Variants in GPC6 observed in about 807,000 individuals in gnomAD.
GPC6 encodes the protein glypican 6, also known as glypican-6.
In GPC6, 14 loss-of-function variants were observed where a neutral mutation model predicts 55.2. The ratio of observed to expected loss-of-function variants is 0.25; its 90% CI spans 0.17 to 0.40. The LOEUF is 0.40. Ranked by LOEUF, GPC6 falls within the 10% of genes least tolerant of loss-of-function variation. The pLI is 1.00. For synonymous variants in GPC6, 278 were observed against 259.6 expected, an observed-to-expected ratio of 1.07 and a Z score of -0.68; for missense variants, 641 against 708.5, an observed-to-expected ratio of 0.90 and a Z score of 1.08.
chr13:93,776,405 G>A (rs1885469312), intron 2 of GPC6, among the ~76,000 whole-genome samples: 2 of 152,062 alleles, frequency 1.3e-5, no homozygotes, highest in Non-Finnish European at 2.9e-5. Flanking sequence ...CCAAACAGAT[G>A]GGGACAAATT....
At chr13:93,658,939 A>T (rs1344006721) in intron 2 of GPC6, among the ~76,000 whole-genome samples, 6 of 151,856 alleles carry the variant, frequency 4.0e-5, no homozygotes, top group African/African-American at 9.7e-5. Context: ...GATATATGTG[A>T]TGTCACCATT....
intron 4 of GPC6, among the ~76,000 whole-genome samples, chr13:94,174,269 G>T (rs1212217230): frequency 2.0e-5 from 3 of 152,104 alleles, no homozygotes; most frequent in African/African-American, 7.2e-5. Flanking sequence ...AACCTAGTTA[G>T]GTTTAATTAG....
intron 2 of GPC6, among the ~76,000 whole-genome samples, chr13:93,694,722 G>A (rs1882387299): frequency 1.3e-5 from 2 of 152,266 alleles, no homozygotes; most frequent in East Asian, 3.9e-4. Context: ...GGCAGTATCA[G>A]CACCTTTAGG....
intron 4 of GPC6, among the ~76,000 whole-genome samples, chr13:94,183,521 A>G (rs1889067577): frequency 1.3e-5 from 2 of 152,216 alleles, no homozygotes; most frequent in Admixed American, 1.3e-4. Context: ...GGTACTGTGA[A>G]CATTGGTATA....
intron 1 of GPC6, among the ~76,000 whole-genome samples, chr13:93,490,457 TTTC>T (rs1879925067): frequency 8.8e-6 from 1 of 113,882 alleles, no homozygotes; most frequent in Non-Finnish European, 1.9e-5. Flanking sequence ...ACTATTATTA[TTTC>T]TTTTTTTTTT....
At chr13:93,400,306 A>G (rs1220582756) in intron 1 of GPC6, among the ~76,000 whole-genome samples, 3 of 148,870 alleles carry the variant, frequency 2.0e-5, no homozygotes, top group African/African-American at 7.4e-5. Context: ...CATTTTCTTC[A>G]GTGCCAACAA....
intron 2 of GPC6, among the ~76,000 whole-genome samples, chr13:93,705,575 G>A (rs1882821076): frequency 2.6e-5 from 4 of 151,820 alleles, no homozygotes; most frequent in Admixed American, 2.6e-4. Flanking sequence ...TAGAGGGAGA[G>A]GAGAGGGAAG....
At chr13:94,005,307 T>C (rs1482183002) in intron 3 of GPC6, among the ~76,000 whole-genome samples, 1 of 152,204 alleles carries the variant, frequency 6.6e-6, no homozygotes, top group Non-Finnish European at 1.5e-5. Flanking sequence ...ATTATATCAA[T>C]TGGCATCATA....
At chr13:93,912,014 CAG>C (rs948549318) in intron 3 of GPC6, among the ~76,000 whole-genome samples, 1 of 152,156 alleles carries the variant, frequency 6.6e-6, no homozygotes, top group Non-Finnish European at 1.5e-5. Context: ...ATCCAGATGA[CAG>C]AGACTAGAAC....
intron 4 of GPC6, among the ~76,000 whole-genome samples, chr13:94,097,220 G>A (rs899539247): frequency 1.3e-5 from 2 of 152,102 alleles, no homozygotes; most frequent in African/African-American, 4.8e-5. Flanking sequence ...TGAGGCAATT[G>A]GGCAGGGCGC....
chr13:94,089,203 A>G (rs1417730702), intron 4 of GPC6, among the ~76,000 whole-genome samples: 2 of 152,192 alleles, frequency 1.3e-5, no homozygotes, highest in Admixed American at 1.3e-4. Context: ...GAGTAAGAAG[A>G]TGTGAAAATG....
At chr13:94,004,932 G>A (rs1881950847) in intron 3 of GPC6, among the ~76,000 whole-genome samples, 1 of 151,852 alleles carries the variant, frequency 6.6e-6, no homozygotes, top group Non-Finnish European at 1.5e-5. Context: ...CGTGGTGGTG[G>A]ATGCCTGAAA....
intron 3 of GPC6, among the ~76,000 whole-genome samples, chr13:93,874,721 G>T (rs557069702): frequency 6.6e-6 from 1 of 151,324 alleles, no homozygotes; most frequent in African/African-American, 2.4e-5. Flanking sequence ...CCTGACACAA[G>T]CTCTTGTCCT....
At chr13:93,776,860 A>G (rs1885486377) in intron 2 of GPC6, among the ~76,000 whole-genome samples, 1 of 152,218 alleles carries the variant, frequency 6.6e-6, no homozygotes, top group Admixed American at 6.5e-5. Context: ...CAGAAACATC[A>G]GATGGCTGTG....
At chr13:93,233,100 A>C (rs889449310) in intron 1 of GPC6, among the ~76,000 whole-genome samples, 5 of 152,160 alleles carry the variant, frequency 3.3e-5, no homozygotes, top group Admixed American at 3.3e-4. Context: ...TTGAGCTGGT[A>C]CATAATTTAA....
intron 2 of GPC6, among the ~76,000 whole-genome samples, chr13:93,694,713 G>C (rs1015798079): frequency 1.2e-4 from 19 of 152,122 alleles, no homozygotes; most frequent in African/African-American, 3.9e-4. Flanking sequence ...TGAAAACAAG[G>C]CAGTATCAGC....
chr13:93,362,729 A>T (rs140835184), intron 1 of GPC6, among the ~76,000 whole-genome samples: 1 of 152,282 alleles, frequency 6.6e-6, no homozygotes, highest in East Asian at 1.9e-4. Flanking sequence ...TTACATAGGA[A>T]AAGTCATTTT....
At chr13:93,961,182 C>A (rs1013791089) in intron 3 of GPC6, among the ~76,000 whole-genome samples, 4 of 152,042 alleles carry the variant, frequency 2.6e-5, no homozygotes, top group African/African-American at 9.7e-5. Flanking sequence ...TCACTAGATG[C>A]CATTTAAAAC....
intron 3 of GPC6, among the ~76,000 whole-genome samples, chr13:93,872,116 T>C (rs1385087907): frequency 6.6e-6 from 1 of 151,956 alleles, no homozygotes; most frequent in Non-Finnish European, 1.5e-5. Flanking sequence ...CATAAAAGCC[T>C]TTTTGAAATA....
Sources: allele counts gnomAD v4.1 joint callset (sites outside exome capture counted in the v4.1 genomes callset), GRCh38; gene constraint gnomAD v4.1.1; transcripts MANE v1.5; gene names NCBI Gene and HGNC (gene_info 2026-07-23, HGNC 2026-07-21).